Variants in SBNO1 observed in about 807,000 individuals in gnomAD.
SBNO1 encodes strawberry notch homolog 1, also known as protein strawberry notch homolog 1.
A neutral mutation model predicts 173.6 loss-of-function variants in SBNO1; 23 were observed. That is an observed-to-expected ratio of 0.13 (90% confidence interval 0.10 to 0.19). The LOEUF (loss-of-function observed/expected upper bound fraction) is 0.19. SBNO1 is among the 10% of genes least tolerant of loss of function. SBNO1 has a pLI of 1.00. For synonymous variants in SBNO1, 632 were observed against 571.5 expected (o/e 1.11, Z -1.51); for missense variants, 1,238 against 1,671.2 (o/e 0.74, Z 4.52).
intron 30 of SBNO1, among the ~76,000 whole-genome samples, chr12:123,298,539 G>C (rs1219549470): frequency 6.6e-6 from 1 of 152,196 alleles, no homozygotes; most frequent in Non-Finnish European, 1.5e-5. Context: ...ACAGGCGTGA[G>C]CCACCGCTCT....
rs538218167 is a variant in SBNO1, at chr12:123,299,681, CAAAAAAA to C, written c.3846-1517_3846-1511del. 1.8e-3 allele frequency among the ~76,000 whole-genome samples: 169 copies of C among 93,892 alleles called. 1 individual carries two copies. The highest frequency in any genetic ancestry group is 7.0e-3 in the African/African-American group (148 of 20,994). 61.6% of individuals were successfully genotyped at this position (93,892 alleles called of 152,430 possible). A position where few individuals can be genotyped will look rare whatever the true frequency, so the allele number is the denominator to read the frequency against. On this transcript the variant is annotated intron_variant, in intron 30 of 31. Transcript: ENST00000602398. ...GGGCGACACAGCAAGACTCTGTCTT[CAAAAAAA>C]AAAAAAAAAAACAAAAAAGCCAAGT...
intron 29 of SBNO1, 131 bp downstream of exon 29, chr12:123,304,451 G>C: frequency 3.1e-6 from 2 of 648,172 alleles, no homozygotes; most frequent in Admixed American, 2.8e-5. Context: ...GGTCAGGCTG[G>C]TCTCGAACTC....
At chr12:123,317,470 A>AG in intron 20 of SBNO1, 114 bp from the exon 21 acceptor site, 1 of 906,542 alleles carries the variant, frequency 1.1e-6, no homozygotes, top group Non-Finnish European at 1.7e-6. Flanking sequence ...TCAATAATGA[A>AG]GACTTCCAGT....
chr12:123,311,230 A>T (rs1403102233), intron 24 of SBNO1, 101 bp from the exon 25 acceptor site: 4 of 799,410 alleles, frequency 5.0e-6, no homozygotes, highest in Admixed American at 4.3e-5. Context: ...ATGCCATTTT[A>T]AAAAAACACC....
intron 16 of SBNO1, among the ~76,000 whole-genome samples, chr12:123,322,152 G>A (rs1010031309): frequency 6.6e-6 from 1 of 152,032 alleles, no homozygotes; most frequent in Admixed American, 6.6e-5. Context: ...TTTTATTTTT[G>A]GAGACAGGGC....
intron 25 of SBNO1, 45 bp downstream of exon 25, chr12:123,311,010 T>C (rs762572787): frequency 7.6e-6 from 10 of 1,324,390 alleles, no homozygotes; most frequent in African/African-American, 1.4e-5. Context: ...TGGACTTTAA[T>C]ACTATAGCAA....
In SBNO1 at chr12:123,327,225, G is replaced by C. The variant is rs12582456; in HGVS notation, c.1692+201C>G. Among the ~76,000 whole-genome samples, 1,065 of 152,094 alleles carry C rather than the reference G, an allele frequency of 7.0e-3. 25 individuals carry two copies. Among genetic ancestry groups the C allele is most frequent in the East Asian group, 0.052 (270 of 5,174 alleles). On this transcript the variant is annotated intron_variant, in intron 13 of 31. Coordinates refer to ENST00000602398, the MANE Select transcript of SBNO1 (RefSeq NM_001167856.3). Reference sequence around the variant, plus strand: ...GAGGTTTCAACATGTAGGCCAGGCTGGTCTTGAACTCTTGACCTCAGGTGA... The same window carrying C: ...GAGGTTTCAACATGTAGGCCAGGCTCGTCTTGAACTCTTGACCTCAGGTGA...
At position 123,300,959 on chromosome 12, in the gene SBNO1, C is replaced by CA. The variant is rs1165273653; in HGVS notation, c.3845+1864dup. Among the ~76,000 whole-genome samples the CA allele has an allele frequency of 3.3e-3, 283 of 85,936 alleles. 3 individuals are homozygous for CA. Among genetic ancestry groups the CA allele is most frequent in the African/African-American group, 8.6e-3 (195 of 22,706 alleles). The allele number at this position is 85,936 out of a possible 152,430, so 56.4% of individuals were successfully genotyped here. On this transcript the variant is annotated intron_variant, in intron 30 of 31. Coordinates refer to ENST00000602398, the MANE Select transcript of SBNO1 (RefSeq NM_001167856.3). ...GGGTGACAGAGCAAGGACACCATCT[C>CA]AAAAAAAAAACAAAAAAAAACAAAA...
intron 6 of SBNO1, among the ~76,000 whole-genome samples, chr12:123,336,151 C>T (rs1871813708): frequency 1.3e-5 from 2 of 152,180 alleles, no homozygotes; most frequent in Middle Eastern, 3.4e-3. Flanking sequence ...AATGTTTTTA[C>T]AATTTTAGAC....
intron 30 of SBNO1, 22 bp downstream of exon 30, chr12:123,302,802 T>C: frequency 6.3e-7 from 1 of 1,588,326 alleles, no homozygotes. Context: ...GAAAATTTGG[T>C]AGGAAACACG....
Position 123,348,052 on chromosome 12 carries a change from TAGGTAC to T in SBNO1, c.208_213del (p.Val70_Pro71del), listed in dbSNP as rs762624731. ...ACCCTCACATTTAATAGTGCTGGAG[TAGGTAC>T]AGTCTCTGGTTCTTGTTTAACAGGA... On this transcript the variant is annotated inframe_deletion, in exon 3 of 32. Transcript: ENST00000602398. 6.2e-7 allele frequency: 1 copy of T among 1,605,904 alleles called. No individual in the cohort carries two copies. Among genetic ancestry groups the T allele is most frequent in the East Asian group, 2.2e-5 (1 of 44,758 alleles).
At chr12:123,315,293 G>C in intron 23 of SBNO1, 80 bp downstream of exon 23, 1 of 1,111,112 alleles carries the variant, frequency 9.0e-7, no homozygotes, top group Admixed American at 1.8e-5. Context: ...GTTTTAGACA[G>C]TAACTACTTT....
At position 123,348,010 on chromosome 12, in the gene SBNO1, G is replaced by T; in HGVS notation, c.237+19C>A. ...TCTAAACTATTTTAGAAGTAACGAC[G>T]AATCTAAATCATTCTTACCCTCACA... On this transcript the variant is annotated intron_variant, in intron 3 of 31. Coordinates refer to ENST00000602398, the MANE Select transcript of SBNO1 (RefSeq NM_001167856.3). 1.4e-6 allele frequency: 2 copies of T among 1,457,616 alleles called. No individual in the cohort carries two copies. Among genetic ancestry groups the T allele is most frequent in the South Asian group, 1.2e-5 (1 of 86,558 alleles). The allele number at this position is 1,457,616 out of a possible 1,614,324, so 90.3% of individuals were successfully genotyped here.
chr12:123,359,929 C>G (rs1039879857), intron 1 of SBNO1, among the ~76,000 whole-genome samples: 1 of 152,118 alleles, frequency 6.6e-6, no homozygotes, highest in Non-Finnish European at 1.5e-5. Context: ...GTATTTAATG[C>G]TAAAGTAATT....
rs2048578034 is a variant in SBNO1, at chr12:123,295,513, G to C, written c.*395C>G. 1 of 159,812 alleles carries C rather than the reference G, an allele frequency of 6.3e-6. No homozygotes were observed. 9.9% of individuals were successfully genotyped at this position (159,812 alleles called of 1,614,324 possible). A position where few individuals can be genotyped will look rare whatever the true frequency, so the allele number is the denominator to read the frequency against. On this transcript the variant is annotated 3_prime_UTR_variant, in exon 32 of 32. Coordinates refer to ENST00000602398, the MANE Select transcript of SBNO1 (RefSeq NM_001167856.3). ...GGATACCTCCCACAGCAATGGCATG[G>C]ATGTACTGCGTTAACCCTGAGCACT...
chr12:123,308,680 A>G (rs575044505), intron 28 of SBNO1, among the ~76,000 whole-genome samples: 2 of 152,142 alleles, frequency 1.3e-5, no homozygotes, highest in South Asian at 4.2e-4. Context: ...ATCTCAAAAA[A>G]AAGTTAATTC....
At chr12:123,312,279 G>A (rs1868673415) in intron 24 of SBNO1, among the ~76,000 whole-genome samples, 1 of 152,146 alleles carries the variant, frequency 6.6e-6, no homozygotes, top group African/African-American at 2.4e-5. Context: ...CAAAAGGAGT[G>A]AAGGTGTAGG....
At chr12:123,326,103 C>T in intron 14 of SBNO1, 49 bp downstream of exon 14, 3 of 1,282,478 alleles carry the variant, frequency 2.3e-6, no homozygotes, top group Non-Finnish European at 3.1e-6. Flanking sequence ...CCCACAAAGA[C>T]TAAACAACAT....
intron 6 of SBNO1, among the ~76,000 whole-genome samples, chr12:123,334,558 A>C (rs183437988): frequency 6.6e-6 from 1 of 152,196 alleles, no homozygotes; most frequent in African/African-American, 2.4e-5. Flanking sequence ...AAATACAAAA[A>C]TTAGCTGGGC....
Sources: gnomAD v4.1 joint callset for allele counts (sites outside exome capture counted in the v4.1 genomes callset) on GRCh38, gnomAD v4.1.1 for gene constraint, MANE v1.5 for transcripts, NCBI Gene and HGNC (gene_info 2026-07-23, HGNC 2026-07-21) for gene names.